Variants in DMD observed in about 807,000 individuals in gnomAD.
The protein encoded by DMD is dystrophin, also known as mutant dystrophin.
A neutral mutation model predicts 330.1 loss-of-function variants in DMD; 63 were observed. That is an observed-to-expected ratio of 0.19 (90% CI 0.16 to 0.24). The LOEUF (loss-of-function observed/expected upper bound fraction) is 0.24, where lower values mean the gene tolerates loss of function less well. DMD is among the 10% of genes least tolerant of loss of function. The probability of loss-of-function intolerance (pLI) is 1.00; values close to 1 mark genes in which losing one functional copy is unlikely to be tolerated. For missense variants in DMD, 3,344 were observed against 2,684.1 expected (o/e 1.25, Z -5.43); for synonymous variants, 1,223 against 959.8 (o/e 1.27, Z -5.07).
chrX:31,913,734 AAAAAC>A (rs61632991), intron 47 of DMD, among the ~76,000 whole-genome samples: 18,255 of 107,646 alleles, frequency 0.17, 2,254 homozygotes, highest in African/African-American at 0.41. Flanking sequence ...AAACAAAAAC[AAAAAC>A]AAAACAAAAC....
intron 1 of DMD, among the ~76,000 whole-genome samples, chrX:33,154,136 C>A (rs892897574): frequency 8.9e-6 from 1 of 112,060 alleles, no homozygotes; most frequent in African/African-American, 3.2e-5. Flanking sequence ...GTGGCTCATG[C>A]CTGTAATCCC....
intron 56 of DMD, among the ~76,000 whole-genome samples, chrX:31,502,564 T>G (rs193084637): frequency 5.9e-4 from 66 of 111,554 alleles, no homozygotes; most frequent in African/African-American, 1.8e-3. Flanking sequence ...TGTCCTTGCC[T>G]CTTAATGTTC....
intron 1 of DMD, among the ~76,000 whole-genome samples, chrX:33,182,752 A>T (rs1285202487): frequency 1.8e-5 from 2 of 112,695 alleles, no homozygotes; most frequent in Non-Finnish European, 3.7e-5. Flanking sequence ...ACAAGATATG[A>T]CAATTCACTA....
chrX:32,609,959 G>T (rs2057032856), intron 12 of DMD, among the ~76,000 whole-genome samples: 1 of 110,695 alleles, frequency 9.0e-6, no homozygotes, highest in Non-Finnish European at 1.9e-5. Context: ...GGAGACAAAA[G>T]ATTTCACTGT....
At position 32,491,457 on chromosome X, in the gene DMD, T is replaced by C. The variant is rs1401119708; in HGVS notation, c.2442A>G (p.Glu814=). Reference sequence around the variant, plus strand: ...GTCTCTCACTTAGCAACTGGCAGAATTCGATCCACCGGCTGTTCAGTTGTT... The same window carrying C: ...GTCTCTCACTTAGCAACTGGCAGAACTCGATCCACCGGCTGTTCAGTTGTT... ...ASEQLNSRWI[E]FCQLLSERLN... is the part of the protein sequence containing the mutation. The change falls in exon 20 of 79, where the codon GAA becomes GAG. Residue 814 remains glutamate, a synonymous_variant. Transcript: ENST00000357033. The C allele has an allele frequency of 2.5e-6, 3 of 1,211,183 alleles. No homozygotes were observed. Among genetic ancestry groups the C allele is most frequent in the South Asian group, 3.5e-5 (2 of 56,977 alleles).
At chrX:31,280,399 T>C (rs2052524092) in intron 62 of DMD, among the ~76,000 whole-genome samples, 1 of 111,189 alleles carries the variant, frequency 9.0e-6, no homozygotes, top group African/African-American at 3.3e-5. Flanking sequence ...TGCAAAGTAA[T>C]ACACAGTGAG....
At chrX:31,264,011 A>G (rs1482320099) in intron 62 of DMD, among the ~76,000 whole-genome samples, 1 of 112,413 alleles carries the variant, frequency 8.9e-6, no homozygotes, top group Non-Finnish European at 1.9e-5. Context: ...GGACACATTT[A>G]ACCCTCCAAA....
intron 59 of DMD, among the ~76,000 whole-genome samples, chrX:31,464,021 G>A (rs1194687702): frequency 3.6e-5 from 4 of 111,024 alleles, no homozygotes; most frequent in Non-Finnish European, 7.6e-5. Flanking sequence ...GACTCTTGAG[G>A]AATAGTATTT....
At chrX:32,671,673 T>A (rs971851607) in intron 9 of DMD, among the ~76,000 whole-genome samples, 6 of 112,090 alleles carry the variant, frequency 5.4e-5, no homozygotes, top group African/African-American at 1.9e-4. Flanking sequence ...GCTCCCCTAT[T>A]CTTGTCCTTT....
chrX:31,743,046 C>T (rs1255701541), intron 51 of DMD, among the ~76,000 whole-genome samples: 1 of 111,682 alleles, frequency 9.0e-6, no homozygotes, highest in African/African-American at 3.2e-5. Context: ...AAGACATAAA[C>T]AGACACTACT....
chrX:32,855,623 G>A (rs1288039913), intron 2 of DMD, among the ~76,000 whole-genome samples: 1 of 111,802 alleles, frequency 8.9e-6, no homozygotes, highest in African/African-American at 3.3e-5. Context: ...GCAAAAGAAT[G>A]AAATTAGACC....
intron 17 of DMD, among the ~76,000 whole-genome samples, chrX:32,542,998 A>G (rs946975194): frequency 8.9e-6 from 1 of 111,761 alleles, no homozygotes; most frequent in Non-Finnish European, 1.9e-5. Flanking sequence ...TATACAGCCC[A>G]GGTTTTGTAG....
intron 67 of DMD, among the ~76,000 whole-genome samples, chrX:31,193,429 A>T (rs1251294932): frequency 8.9e-6 from 1 of 111,951 alleles, no homozygotes; most frequent in Non-Finnish European, 1.9e-5. Flanking sequence ...GATATTCATG[A>T]ATAGACGGGG....
chrX:33,010,057 C>CGT (rs2093647793), intron 2 of DMD, among the ~76,000 whole-genome samples: 1 of 79,975 alleles, frequency 1.3e-5, no homozygotes, highest in Non-Finnish European at 2.3e-5. Context: ...TGTATATATA[C>CGT]GTGTATATAT....
intron 67 of DMD, among the ~76,000 whole-genome samples, chrX:31,197,892 G>A (rs1040970856): frequency 5.4e-5 from 6 of 110,438 alleles, no homozygotes; most frequent in Non-Finnish European, 7.6e-5. Context: ...ACACATAATG[G>A]AATATTATTC....
At chrX:31,778,924 C>T (rs909263884) in intron 50 of DMD, among the ~76,000 whole-genome samples, 2 of 111,559 alleles carry the variant, frequency 1.8e-5, no homozygotes, top group Non-Finnish European at 3.8e-5. Flanking sequence ...CTTTCAGATG[C>T]GTTTACCTTT....
chrX:32,607,538 G>T lies in DMD; in HGVS notation c.1482+6765C>A, dbSNP rs747415114. Among the ~76,000 whole-genome samples the T allele has an allele frequency of 7.3e-5, 8 of 110,105 alleles. No homozygotes were observed. The East Asian group carries it at 2.3e-3, about 31-fold the overall frequency. ...CAGATGTACCAGTAGAAATCTACTA[G>T]TATTAGAAATCCACTAGAAATTCTG... On this transcript the variant is annotated intron_variant, in intron 12 of 78. Transcript: ENST00000357033.
intron 54 of DMD, among the ~76,000 whole-genome samples, chrX:31,637,602 C>T (rs911295722): frequency 9.0e-6 from 1 of 110,703 alleles, no homozygotes; most frequent in Non-Finnish European, 1.9e-5. Flanking sequence ...CAGTTCCTGG[C>T]AATTTAATAG....
intron 55 of DMD, among the ~76,000 whole-genome samples, chrX:31,591,556 T>C (rs1028847894): frequency 9.0e-6 from 1 of 111,544 alleles, no homozygotes. Context: ...ATTTTTGTGA[T>C]TGATGTATGA....
Sources: gnomAD v4.1 joint callset for allele counts (sites outside exome capture counted in the v4.1 genomes callset) on GRCh38, gnomAD v4.1.1 for gene constraint, MANE v1.5 for transcripts, NCBI Gene and HGNC (gene_info 2026-07-23, HGNC 2026-07-21) for gene names.